Variants in THSD4 observed in about 807,000 individuals in gnomAD.
The protein encoded by THSD4 is thrombospondin type 1 domain containing 4, also known as thrombospondin type-1 domain-containing protein 4.
Under a neutral mutation model 119.0 loss-of-function variants are expected in THSD4, and 69 were observed. The ratio of observed to expected loss-of-function variants is 0.58; its 90% CI spans 0.48 to 0.71. The LOEUF is 0.71. Ranked by LOEUF, THSD4 falls within the 30% of genes least tolerant of loss-of-function variation. THSD4 has a pLI of 0.00. For missense variants in THSD4, 1,393 were observed against 1,391.1 expected (o/e 1.00, Z -0.02); for synonymous variants, 524 against 540.4 (o/e 0.97, Z 0.42).
rs186196292 is a variant in THSD4 at position 71,343,982 on chromosome 15, G to A, written c.1016-67705G>A. Among the ~76,000 whole-genome samples the A allele has an allele frequency of 4.4e-3, 674 of 151,492 alleles. 6 individuals carry two copies. The highest frequency in any genetic ancestry group is 0.015 in the African/African-American group (621 of 41,258). On this transcript the variant is annotated intron_variant, in intron 6 of 17. Transcript: ENST00000261862. ...GCCCACCTCACCCTCCCAAAGTGAT[G>A]GGGGTGGGGTGGGGGTGGGGGTTAC...
chr15:71,406,643 G>GGGGT (rs2046610687), intron 6 of THSD4, among the ~76,000 whole-genome samples: 1 of 126,194 alleles, frequency 7.9e-6, no homozygotes, highest in Non-Finnish European at 1.7e-5. Flanking sequence ...AGGTTTGTTT[G>GGGGT]GTGTGTGTGT....
At chr15:71,428,931 TTC>T (rs1161622513) in intron 7 of THSD4, among the ~76,000 whole-genome samples, 2 of 152,232 alleles carry the variant, frequency 1.3e-5, no homozygotes, top group African/African-American at 4.8e-5. Flanking sequence ...TTAGAGAGCT[TTC>T]TGTTTCAATA....
intron 7 of THSD4, among the ~76,000 whole-genome samples, chr15:71,480,783 A>T (rs1294070101): frequency 6.6e-6 from 1 of 152,212 alleles, no homozygotes; most frequent in Non-Finnish European, 1.5e-5. Flanking sequence ...GGCCCAGCCT[A>T]AAGTCAGGGG....
At chr15:71,449,581 C>A (rs1399838251) in intron 7 of THSD4, among the ~76,000 whole-genome samples, 2 of 152,116 alleles carry the variant, frequency 1.3e-5, no homozygotes, top group Non-Finnish European at 2.9e-5. Flanking sequence ...ACTAAAAATA[C>A]AATCAGCTGT....
At chr15:71,618,323 A>G (rs2050355044) in intron 7 of THSD4, among the ~76,000 whole-genome samples, 1 of 152,240 alleles carries the variant, frequency 6.6e-6, no homozygotes, top group Non-Finnish European at 1.5e-5. Context: ...TATACACTTT[A>G]GGGCACCTCT....
At chr15:71,581,063 T>G (rs2049549542) in intron 7 of THSD4, among the ~76,000 whole-genome samples, 1 of 152,108 alleles carries the variant, frequency 6.6e-6, no homozygotes, top group African/African-American at 2.4e-5. Flanking sequence ...TTCATTTCCT[T>G]TGGATATATA....
Position 71,338,126 on chromosome 15 carries a change from T to C in THSD4, c.1016-73561T>C, listed in dbSNP as rs529985672. Among the ~76,000 whole-genome samples the C allele has an allele frequency of 7.9e-5, 12 of 152,312 alleles. No individual in the cohort carries two copies. In the South Asian group the frequency reaches 1.2e-3, roughly 16 times the overall value. On this transcript the variant is annotated intron_variant, in intron 6 of 17. Coordinates refer to ENST00000261862, the MANE Select transcript of THSD4 (RefSeq NM_024817.3). ...TTTTCTCTAAGAACTGGGTTCAAAA[T>C]ATGGTTTCAAACACTGAAGAATCAG...
chr15:71,609,569 C>T (rs533164192), intron 7 of THSD4, among the ~76,000 whole-genome samples: 55 of 152,186 alleles, frequency 3.6e-4, no homozygotes, highest in Admixed American at 7.8e-4. Context: ...AAAAAAACAA[C>T]AGGCCGGGCG....
intron 1 of THSD4, among the ~76,000 whole-genome samples, chr15:71,105,254 C>T (rs578089376): frequency 1.3e-5 from 2 of 152,312 alleles, no homozygotes; most frequent in Admixed American, 6.5e-5. Context: ...TACCCACCTT[C>T]TCAGCAATAC....
At chr15:71,477,303 A>G (rs902604582) in intron 7 of THSD4, among the ~76,000 whole-genome samples, 10 of 152,214 alleles carry the variant, frequency 6.6e-5, no homozygotes, top group African/African-American at 2.4e-4. Context: ...ACAGACTGCT[A>G]GTAAAGCTCC....
rs199767135 is a variant in THSD4, at chr15:71,470,634, T to TA, written c.1152+58811_1152+58812insA. ...AATGGCTGAGTGAGGATTTTATTAT[T>TA]TTTTTTTTTTTTGAGACGGAGTCTC... On this transcript the variant is annotated intron_variant, in intron 7 of 17. Transcript: ENST00000261862. Among the ~76,000 whole-genome samples the TA allele has an allele frequency of 6.9e-3, 1,023 of 148,724 alleles. 18 individuals carry two copies. Among genetic ancestry groups the TA allele is most frequent in the South Asian group, 0.06 (284 of 4,742 alleles).
intron 7 of THSD4, among the ~76,000 whole-genome samples, chr15:71,629,238 C>T (rs559801540): frequency 3.3e-5 from 5 of 152,304 alleles, no homozygotes; most frequent in African/African-American, 1.2e-4. Context: ...CCCGCACTGT[C>T]TGCCCAGTAA....
intron 6 of THSD4, among the ~76,000 whole-genome samples, chr15:71,389,448 A>G (rs1163449424): frequency 1.4e-5 from 2 of 145,250 alleles, no homozygotes; most frequent in Non-Finnish European, 3.0e-5. Context: ...ATGTTGTAGC[A>G]CGTGTCAGAA....
chr15:71,194,260 G>C (rs1261989308), intron 3 of THSD4, among the ~76,000 whole-genome samples: 1 of 152,174 alleles, frequency 6.6e-6, no homozygotes, highest in Non-Finnish European at 1.5e-5. Flanking sequence ...GCTATGTTCT[G>C]TTTCTTCTGT....
At chr15:71,732,360 T>C (rs1236580786) in intron 10 of THSD4, 1 of 152,234 alleles carries the variant, frequency 6.6e-6, no homozygotes, top group East Asian at 1.9e-4. Flanking sequence ...GTCTTCCTGG[T>C]GGGCTCTGCT....
chr15:71,580,644 G>A (rs1408415036), intron 7 of THSD4, among the ~76,000 whole-genome samples: 1 of 152,050 alleles, frequency 6.6e-6, no homozygotes, highest in African/African-American at 2.4e-5. Flanking sequence ...TCTCCAACAT[G>A]AAGTTCCACC....
At chr15:71,539,320 C>T (rs1370078373) in intron 7 of THSD4, among the ~76,000 whole-genome samples, 1 of 152,182 alleles carries the variant, frequency 6.6e-6, no homozygotes, top group East Asian at 1.9e-4. Context: ...TGACAAGAGA[C>T]TTTTTCCACC....
intron 7 of THSD4, among the ~76,000 whole-genome samples, chr15:71,523,262 C>G (rs917876674): frequency 6.6e-6 from 1 of 152,216 alleles, no homozygotes; most frequent in Non-Finnish European, 1.5e-5. Flanking sequence ...AAGGGAGACT[C>G]AATCCTGGCC....
At chr15:71,513,610 T>C (rs12101935) in intron 7 of THSD4, among the ~76,000 whole-genome samples, 61,458 of 152,004 alleles carry the variant, frequency 0.4, 12,931 homozygotes, top group African/African-American at 0.5. Context: ...ACTGAAACAC[T>C]CACACATTGC....
Sources: gnomAD v4.1 joint callset for allele counts (sites outside exome capture counted in the v4.1 genomes callset) on GRCh38, gnomAD v4.1.1 for gene constraint, MANE v1.5 for transcripts, NCBI Gene and HGNC (gene_info 2026-07-23, HGNC 2026-07-21) for gene names.